MTMR7: variants seen among roughly 807,000 people sequenced by gnomAD.
MTMR7 encodes myotubularin related protein 7.
A neutral mutation model predicts 81.2 loss-of-function variants in MTMR7; 76 were observed. The ratio of observed to expected loss-of-function variants is 0.94; its 90% CI spans 0.78 to 1.13. The LOEUF is 1.13. Ranked by LOEUF, MTMR7 falls within the 50% of genes most tolerant of loss-of-function variation. The pLI, the probability that MTMR7 is intolerant of heterozygous loss-of-function variation, is 0.00. For synonymous variants in MTMR7, 372 were observed against 289.8 expected (o/e 1.28, Z -2.88); for missense variants, 1,044 against 820.0 (o/e 1.27, Z -3.34).
intron 7 of MTMR7, among the ~76,000 whole-genome samples, chr8:17,329,086 A>C (rs549553429): frequency 1.3e-5 from 2 of 152,344 alleles, no homozygotes; most frequent in South Asian, 4.1e-4. Flanking sequence ...GATTATATCC[A>C]TAACAGTAGT....
chr8:17,341,299 C>G, intron 6 of MTMR7, 64 bp downstream of exon 6: 2 of 1,596,866 alleles, frequency 1.3e-6, no homozygotes, highest in Admixed American at 1.7e-5. Flanking sequence ...AGTCGGCTAG[C>G]CTTTGCCTGT....
intron 1 of MTMR7, among the ~76,000 whole-genome samples, chr8:17,383,607 T>G (rs535335637): frequency 1.3e-5 from 2 of 152,334 alleles, no homozygotes; most frequent in East Asian, 1.9e-4. Flanking sequence ...GGCTCAACAG[T>G]CTCTCCTCCA....
chr8:17,350,515 A>G (rs148730354), intron 4 of MTMR7, among the ~76,000 whole-genome samples: 43 of 152,142 alleles, frequency 2.8e-4, no homozygotes, highest in Admixed American at 5.9e-4. Context: ...CCATGATCCA[A>G]TTACCTCCCA....
At chr8:17,404,703 G>C (rs763478949) in intron 1 of MTMR7, among the ~76,000 whole-genome samples, 1 of 152,118 alleles carries the variant, frequency 6.6e-6, no homozygotes, top group African/African-American at 2.4e-5. Context: ...ATATAGAAAT[G>C]AAACCAGAAA....
At chr8:17,411,806 C>A (rs1215591943) in intron 1 of MTMR7, among the ~76,000 whole-genome samples, 1 of 152,222 alleles carries the variant, frequency 6.6e-6, no homozygotes, top group Non-Finnish European at 1.5e-5. Flanking sequence ...AAGGCCTTGA[C>A]TCCCCCAAAT....
Position 17,341,411 on chromosome 8 carries a change from T to G in MTMR7, c.684A>C (p.Lys228Asn), listed in dbSNP as rs1819403781. 6.2e-7 allele frequency: 1 copy of G among 1,614,090 alleles called. No individual in the cohort carries two copies. Among genetic ancestry groups the G allele is most frequent in the Admixed American group, 1.7e-5 (1 of 60,010 alleles). The part of the protein sequence containing the change: ...EDEQMLQAIR[K>N]ANPGSDFVYV... ...AAACGAAGTCACTTCCTGGATTGGCTTTCCTAATGGCCTGGAGCATCTGCT... is the reference window on the plus strand; with the variant it reads ...AAACGAAGTCACTTCCTGGATTGGCGTTCCTAATGGCCTGGAGCATCTGCT... The change falls in exon 6 of 14, where the codon AAA becomes AAC. Residue 228 changes from lysine to asparagine, a missense_variant. Transcript: ENST00000180173.
intron 1 of MTMR7, among the ~76,000 whole-genome samples, chr8:17,402,383 C>G (rs1013009176): frequency 3.3e-5 from 5 of 152,174 alleles, no homozygotes; most frequent in African/African-American, 1.2e-4. Context: ...ACAATTGCCA[C>G]TATCCGCCCT....
At chr8:17,401,684 T>C (rs920962648) in intron 1 of MTMR7, among the ~76,000 whole-genome samples, 1 of 151,952 alleles carries the variant, frequency 6.6e-6, no homozygotes, top group African/African-American at 2.4e-5. Context: ...ACTATTGGCA[T>C]AGATATGGAA....
At chr8:17,371,263 AC>A in intron 2 of MTMR7, 64 bp from the exon 3 acceptor site, 1 of 1,521,802 alleles carries the variant, frequency 6.6e-7, no homozygotes, top group Non-Finnish European at 8.9e-7. Context: ...ACAAGGACTA[AC>A]ATTTCTTTGT....
At chr8:17,370,218 A>C (rs1820374175) in intron 3 of MTMR7, among the ~76,000 whole-genome samples, 1 of 151,980 alleles carries the variant, frequency 6.6e-6, no homozygotes, top group Admixed American at 6.6e-5. Context: ...GGAAAAAATA[A>C]ATTATTATCA....
At chr8:17,304,257 G>A in intron 12 of MTMR7, 122 bp downstream of exon 12, 1 of 1,062,198 alleles carries the variant, frequency 9.4e-7, no homozygotes, top group South Asian at 2.4e-5. Context: ...TCTCCCTCTG[G>A]TGTCTTTTGT....
intron 3 of MTMR7, among the ~76,000 whole-genome samples, chr8:17,369,373 G>A (rs190150442): frequency 2.6e-5 from 4 of 152,260 alleles, no homozygotes; most frequent in Non-Finnish European, 4.4e-5. Context: ...GCTCCCTGGC[G>A]TCATTTCCAT....
chr8:17,374,198 A>T (rs1186505752), intron 1 of MTMR7, among the ~76,000 whole-genome samples: 3 of 152,220 alleles, frequency 2.0e-5, no homozygotes, highest in African/African-American at 7.2e-5. Flanking sequence ...TTTAAATAGA[A>T]GCTGTGGGCC....
chr8:17,314,514 G>T (rs1817962072), intron 7 of MTMR7, among the ~76,000 whole-genome samples: 1 of 152,032 alleles, frequency 6.6e-6, no homozygotes, highest in Admixed American at 6.5e-5. Flanking sequence ...GTGCATATGG[G>T]TCACATAGCA....
chr8:17,390,286 T>C (rs1306572474), intron 1 of MTMR7, among the ~76,000 whole-genome samples: 2 of 149,708 alleles, frequency 1.3e-5, no homozygotes, highest in Non-Finnish European at 3.0e-5. Context: ...GCTTCTCACA[T>C]GGTGGGAGCA....
intron 6 of MTMR7, among the ~76,000 whole-genome samples, chr8:17,335,304 A>G (rs1051917828): frequency 6.6e-6 from 1 of 152,162 alleles, no homozygotes; most frequent in African/African-American, 2.4e-5. Context: ...AGGAAGATTT[A>G]CTGACCGGCT....
chr8:17,390,292 G>T (rs1293601983), intron 1 of MTMR7, among the ~76,000 whole-genome samples: 2 of 151,190 alleles, frequency 1.3e-5, no homozygotes, highest in African/African-American at 4.9e-5. Context: ...CACATGGTGG[G>T]AGCAGGAACA....
intron 5 of MTMR7, 22 bp downstream of exon 5, chr8:17,348,931 A>G: frequency 6.2e-7 from 1 of 1,613,544 alleles, no homozygotes; most frequent in Non-Finnish European, 8.5e-7. Flanking sequence ...AGTGTAAAAC[A>G]AAAACACGCC....
chr8:17,314,228 T>C (rs4921750), intron 7 of MTMR7, among the ~76,000 whole-genome samples: 27,860 of 152,110 alleles, frequency 0.18, 2,668 homozygotes, highest in Non-Finnish European at 0.22. Flanking sequence ...TAAAGCCCTA[T>C]TGAGGAGTCT....
Sources: gnomAD v4.1 joint callset for allele counts (sites outside exome capture counted in the v4.1 genomes callset) on GRCh38, gnomAD v4.1.1 for gene constraint, MANE v1.5 for transcripts, NCBI Gene and HGNC (gene_info 2026-07-23, HGNC 2026-07-21) for gene names.